The following CIBAR2 variants were observed in gnomAD, a reference collection of about 807,000 sequenced individuals.
CIBAR2 encodes the protein CBY1 interacting BAR domain containing 2, also known as CBY1-interacting BAR domain-containing protein 2.
In CIBAR2, 38 loss-of-function variants were observed where a neutral mutation model predicts 36.2. That is an observed-to-expected ratio of 1.05 (90% CI 0.81 to 1.38). The LOEUF is 1.38. Among genes scored for constraint, CIBAR2 ranks in the 40% most tolerant of loss-of-function variants. The pLI is 0.00. For synonymous variants in CIBAR2, 182 were observed against 149.5 expected (o/e 1.22, Z -1.58); for missense variants, 481 against 383.4 (o/e 1.25, Z -2.13).
Position 85,098,861 on chromosome 16 carries a change from T to TC in CIBAR2, c.*323dup, listed in dbSNP as rs765993192. 218 of 233,098 alleles carry TC rather than the reference T, an allele frequency of 9.4e-4. No homozygotes were observed. Among genetic ancestry groups the TC allele is most frequent in the Non-Finnish European group, 1.5e-3 (191 of 128,460 alleles). 14.4% of individuals were successfully genotyped at this position (233,098 alleles called of 1,614,324 possible). On this transcript the variant is annotated 3_prime_UTR_variant, in exon 9 of 9. Coordinates refer to ENST00000539556, the MANE Select transcript of CIBAR2 (RefSeq NM_198491.3). ...TCTAAGCCACTCTGCAGGCGAGGAC[T>TC]CTAAGGCACAGAGAGGCTAGGAGAC...
intron 5 of CIBAR2, among the ~76,000 whole-genome samples, chr16:85,106,208 G>A (rs7193259): frequency 0.051 from 7,690 of 152,206 alleles, 253 homozygotes; most frequent in African/African-American, 0.094. Flanking sequence ...ACCCACATTC[G>A]TGTAGGTCAG....
intron 2 of CIBAR2, 128 bp downstream of exon 2, chr16:85,110,098 G>A (rs953679194): frequency 2.6e-5 from 17 of 647,054 alleles, no homozygotes; most frequent in Admixed American, 1.9e-4. Context: ...GTCCATTGTC[G>A]GTGGATGTCT....
rs1182393702 is a variant in CIBAR2 at position 85,099,236 on chromosome 16, G to T, written c.864C>A (p.His288Gln). Residue 288 changes from histidine to glutamine, a missense_variant, in exon 9 of 9, where the codon CAC becomes CAA. By Grantham distance (24) the His-to-Gln change is conservative (BLOSUM62 0). Coordinates refer to ENST00000539556, the MANE Select transcript of CIBAR2 (RefSeq NM_198491.3). Reference protein sequence around the residue: ...CEWVVKGQPAHCVCGQGGHLM... With the variant: ...CEWVVKGQPAQCVCGQGGHLM... ...GATGCCCACCCTGCCCACACACACA[G>T]TGGGCTGGCTGCCCCTTAACCACCC... The T allele has an allele frequency of 6.2e-7, 1 of 1,611,358 alleles. No homozygotes were observed. Among genetic ancestry groups the T allele is most frequent in the Admixed American group, 1.7e-5 (1 of 59,624 alleles).
chr16:85,105,297 G>T (rs958515150), intron 6 of CIBAR2, 30 bp downstream of exon 6: 1 of 1,417,234 alleles, frequency 7.1e-7, no homozygotes, highest in Middle Eastern at 2.0e-4. Context: ...GCAGCCCAGG[G>T]CGCCTCCCAT....
chr16:85,107,028 C>T (rs546038015), intron 5 of CIBAR2, among the ~76,000 whole-genome samples: 1 of 152,238 alleles, frequency 6.6e-6, no homozygotes, highest in Admixed American at 6.5e-5. Context: ...CACCTGTAAT[C>T]CCAGCTGTTG....
rs9936193 is a variant in CIBAR2 at position 85,098,487 on chromosome 16, G to A, written c.*698C>T. The stretch of plus-strand genomic sequence containing the variant: ...GAAACTGAGGCTCAGAGGACACGTG[G>A]CTTGCCTGAGGGCACACAGCAGAGC... On this transcript the variant is annotated 3_prime_UTR_variant, in exon 9 of 9. Coordinates refer to ENST00000539556, the MANE Select transcript of CIBAR2 (RefSeq NM_198491.3). The A allele has an allele frequency of 0.034, 33,771 of 981,864 alleles. 979 individuals are homozygous for A. The highest frequency in any genetic ancestry group is 0.14 in the African/African-American group (8,255 of 57,204). The allele number at this position is 981,864 out of a possible 1,614,324, so 60.8% of individuals were successfully genotyped here.
At chr16:85,108,145 T>G in intron 2 of CIBAR2, 46 bp from the exon 3 acceptor site, 2 of 1,549,016 alleles carry the variant, frequency 1.3e-6, no homozygotes, top group Non-Finnish European at 1.8e-6. Context: ...GGGTGCTGCC[T>G]GCCTCCAGCC....
In CIBAR2 at chr16:85,110,354, G is replaced by A. The variant is rs202030185; in HGVS notation, c.127C>T (p.Arg43Trp). ...TTGACCAGCTGGTCCGCCTTGTCCC[G>A]CAGCCGGGCCGTCTTGCGCGTGTAG... Reference protein sequence around the residue: ...AAYTRKTARLRDKADQLVKQL... With the variant: ...AAYTRKTARLWDKADQLVKQL... The change falls in exon 2 of 9, where the codon CGG (arginine) becomes TGG (tryptophan). Residue 43 changes from arginine (R) to tryptophan (W), a missense_variant. Physicochemically the swap from Arg to Trp is moderately radical, Grantham distance 101. Coordinates refer to ENST00000539556, the MANE Select transcript of CIBAR2 (RefSeq NM_198491.3). 28 of 1,613,194 alleles carry A rather than the reference G, an allele frequency of 1.7e-5. No homozygotes were observed. Among genetic ancestry groups the A allele is most frequent in the African/African-American group, 1.2e-4 (9 of 74,926 alleles).
At chr16:85,104,806 G>A (rs2073982758) in intron 6 of CIBAR2, among the ~76,000 whole-genome samples, 1 of 152,176 alleles carries the variant, frequency 6.6e-6, no homozygotes, top group African/African-American at 2.4e-5. Flanking sequence ...AGGAATCTCT[G>A]CGATCAGCTA....
chr16:85,101,773 G>A (rs1418613296), intron 7 of CIBAR2, among the ~76,000 whole-genome samples: 3 of 151,782 alleles, frequency 2.0e-5, no homozygotes, highest in Admixed American at 6.6e-5. Flanking sequence ...GGGTTCAAGC[G>A]ATTCTCCTGC....
chr16:85,099,591 C>A (rs1396649798), intron 8 of CIBAR2, among the ~76,000 whole-genome samples: 1 of 151,880 alleles, frequency 6.6e-6, no homozygotes, highest in Non-Finnish European at 1.5e-5. Flanking sequence ...GTGTGGCCTA[C>A]CACACTGGGT....
intron 6 of CIBAR2, among the ~76,000 whole-genome samples, chr16:85,103,637 T>A (rs1368089482): frequency 6.6e-6 from 1 of 152,224 alleles, no homozygotes; most frequent in Non-Finnish European, 1.5e-5. Flanking sequence ...CTGCCGACTG[T>A]TTCAGTTTCT....
In CIBAR2 at chr16:85,103,635, T is replaced by C. The variant is rs1267156870; in HGVS notation, c.538-1308A>G. On this transcript the variant is annotated intron_variant, in intron 6 of 8. Transcript: ENST00000539556. Reference sequence around the variant, plus strand: ...CAGGTGCTGAATAACGTCTGCCGACTGTTTCAGTTTCTCCTTGCCATGTAG... The same window carrying C: ...CAGGTGCTGAATAACGTCTGCCGACCGTTTCAGTTTCTCCTTGCCATGTAG... 2.0e-5 allele frequency among the ~76,000 whole-genome samples: 3 copies of C among 152,360 alleles called. No individual in the cohort carries two copies. In the East Asian group the frequency reaches 5.8e-4, roughly 29 times the overall value.
chr16:85,101,384 G>T (rs1262590831), intron 7 of CIBAR2, among the ~76,000 whole-genome samples: 1 of 152,146 alleles, frequency 6.6e-6, no homozygotes. Flanking sequence ...GGAAAGCTAA[G>T]AAAAGACAGC....
intron 6 of CIBAR2, 113 bp downstream of exon 6, chr16:85,105,214 A>G (rs2073985788): frequency 3.0e-6 from 2 of 663,956 alleles, no homozygotes; most frequent in Admixed American, 2.3e-5. Flanking sequence ...ACACGTGTAC[A>G]CAGACCCATA....
chr16:85,105,365 C>T lies in CIBAR2; in HGVS notation c.499G>A (p.Val167Met), dbSNP rs1436097915. The T allele has an allele frequency of 1.2e-6, 2 of 1,613,828 alleles. No homozygotes were observed. The highest frequency in any genetic ancestry group is 2.2e-5 in the East Asian group (1 of 44,890). The part of the protein sequence containing the change: ...SRTTLQLEET[V>M]DGFQRQKLKD... ...AGCTTCTGCCTCTGGAAGCCATCCA[C>T]AGTCTCCTCCAGCTGGAGGGTGGTG... The change falls in exon 6 of 9, where the codon GTG (valine) becomes ATG (methionine). Residue 167 changes from valine (V) to methionine (M), a missense_variant. Physicochemically the swap from Val to Met is conservative, Grantham distance 21. Coordinates refer to ENST00000539556, the MANE Select transcript of CIBAR2 (RefSeq NM_198491.3).
rs993856173 is a variant in CIBAR2 at position 85,099,125 on chromosome 16, A to G, written c.*60T>C. 6.9e-6 allele frequency: 10 copies of G among 1,444,412 alleles called. No individual in the cohort carries two copies. The highest frequency in any genetic ancestry group is 9.1e-7 in the Non-Finnish European group (1 of 1,095,244). The allele number at this position is 1,444,412 out of a possible 1,614,324, so 89.5% of individuals were successfully genotyped here. ...AAAAAAGAATCAGAAAATAAGAACAAAGCCTCCAGGCAGTCTGGGATTATT... is the reference window on the plus strand; with the variant it reads ...AAAAAAGAATCAGAAAATAAGAACAGAGCCTCCAGGCAGTCTGGGATTATT... On this transcript the variant is annotated 3_prime_UTR_variant, in exon 9 of 9. Transcript: ENST00000539556.
chr16:85,106,738 G>T (rs554177842), intron 5 of CIBAR2, among the ~76,000 whole-genome samples: 1 of 152,306 alleles, frequency 6.6e-6, no homozygotes, highest in African/African-American at 2.4e-5. Context: ...GTGAGAGTCC[G>T]TCGTCATTTT....
chr16:85,103,353 A>T (rs1042974094), intron 6 of CIBAR2, among the ~76,000 whole-genome samples: 3 of 152,202 alleles, frequency 2.0e-5, no homozygotes, highest in African/African-American at 7.2e-5. Flanking sequence ...TTGTTTATAA[A>T]TCACCCAGCT....
Sources: allele counts gnomAD v4.1 joint callset (sites outside exome capture counted in the v4.1 genomes callset), GRCh38; gene constraint gnomAD v4.1.1; transcripts MANE v1.5; gene names NCBI Gene and HGNC (gene_info 2026-07-23, HGNC 2026-07-21).